Variants in AEBP2 observed in about 807,000 individuals in gnomAD.
AEBP2 encodes AE binding protein 2, also known as zinc finger protein AEBP2.
AEBP2 carries 10 observed loss-of-function variants against 50.8 expected under a neutral mutation model. The observed-to-expected ratio is 0.20, with a 90% CI of 0.12 to 0.33. The LOEUF (loss-of-function observed/expected upper bound fraction) is 0.33, where lower values mean the gene tolerates loss of function less well. AEBP2 is among the 10% of genes least tolerant of loss of function. The pLI is 1.00. For missense variants in AEBP2, 570 were observed against 688.0 expected (o/e 0.83, Z 1.92); for synonymous variants, 296 against 261.3 (o/e 1.13, Z -1.28).
chr12:19,480,806 G>C (rs1249478370), intron 3 of AEBP2, among the ~76,000 whole-genome samples: 1 of 152,140 alleles, frequency 6.6e-6, no homozygotes, highest in Non-Finnish European at 1.5e-5. Context: ...GTTGTTCTTT[G>C]AGCTTCTTGT....
chr12:19,516,331 A>G (rs897934643), intron 7 of AEBP2, among the ~76,000 whole-genome samples: 1 of 152,164 alleles, frequency 6.6e-6, no homozygotes, highest in Non-Finnish European at 1.5e-5. Flanking sequence ...TTAGCATCCT[A>G]AAAGAGTGAT....
At chr12:19,494,101 G>A in intron 4 of AEBP2, 115 bp downstream of exon 4, 1 of 1,155,960 alleles carries the variant, frequency 8.7e-7, no homozygotes, top group African/African-American at 1.6e-5. Flanking sequence ...TAACAAACAG[G>A]TAGGATGCCT....
chr12:19,495,206 T>G (rs1430808087), intron 4 of AEBP2, among the ~76,000 whole-genome samples: 1 of 152,216 alleles, frequency 6.6e-6, no homozygotes, highest in Non-Finnish European at 1.5e-5. Context: ...CTCGAGCAGC[T>G]GGTTAGTTTT....
At chr12:19,455,108 C>T (rs1948243912) in intron 1 of AEBP2, among the ~76,000 whole-genome samples, 1 of 151,736 alleles carries the variant, frequency 6.6e-6, no homozygotes, top group Non-Finnish European at 1.5e-5. Context: ...CAATCCTCAC[C>T]TTAGCCTCCT....
Position 19,476,106 on chromosome 12 carries a change from C to T in AEBP2, c.987+2751C>T, listed in dbSNP as rs1484581029. ...TTTGTTGTTGTTCTTATTGCATTTG[C>T]TTTAGGGTTCTTGGTCATAAACTCT... On this transcript the variant is annotated intron_variant, in intron 3 of 7. Transcript: ENST00000266508. Among the ~76,000 whole-genome samples, 3 of 152,170 alleles carry T rather than the reference C, an allele frequency of 2.0e-5. No individual in the cohort carries two copies. The East Asian group carries it at 5.8e-4, about 29-fold the overall frequency.
intron 3 of AEBP2, among the ~76,000 whole-genome samples, chr12:19,474,315 A>G (rs970745339): frequency 2.0e-5 from 3 of 152,216 alleles, no homozygotes; most frequent in Non-Finnish European, 2.9e-5. Flanking sequence ...TTAAAACCAC[A>G]TTTACTGGAA....
chr12:19,484,250 ATTTTTTTTTTT>A (rs59403434), intron 3 of AEBP2, among the ~76,000 whole-genome samples: 1 of 107,518 alleles, frequency 9.3e-6, no homozygotes, highest in Non-Finnish European at 1.8e-5. Context: ...CGCCCAGCCA[ATTTTTTTTTTT>A]TTTTTTTTTT....
At chr12:19,506,689 A>T (rs973674912) in intron 5 of AEBP2, among the ~76,000 whole-genome samples, 1 of 152,126 alleles carries the variant, frequency 6.6e-6, no homozygotes, top group African/African-American at 2.4e-5. Context: ...CTGTGTTGAG[A>T]ACAAATTGTA....
chr12:19,466,683 A>AAT (rs768340436), intron 2 of AEBP2: 7 of 512,512 alleles, frequency 1.4e-5, no homozygotes, highest in Non-Finnish European at 1.8e-5. Context: ...ATATAAGTAG[A>AAT]AAACACCTGA....
chr12:19,427,854 G>A (rs544016542), intron 1 of AEBP2, among the ~76,000 whole-genome samples: 1 of 151,660 alleles, frequency 6.6e-6, no homozygotes, highest in South Asian at 2.1e-4. Context: ...CCGTTTTCTG[G>A]GAATTAAAAA....
upstream of AEBP2, among the ~76,000 whole-genome samples, chr12:19,439,311 C>T (rs974377775): frequency 6.6e-6 from 1 of 151,798 alleles, no homozygotes; most frequent in African/African-American, 2.4e-5. Flanking sequence ...GTCCGCGTGT[C>T]CCTGGGCTTC....
intron 1 of AEBP2, among the ~76,000 whole-genome samples, chr12:19,422,054 A>G (rs1358032585): frequency 6.6e-6 from 1 of 152,184 alleles, no homozygotes; most frequent in South Asian, 2.1e-4. Context: ...AGGCAGGAGA[A>G]TCACTTCAAC....
chr12:19,411,535 A>C (rs1444110825), intron 1 of AEBP2, among the ~76,000 whole-genome samples: 1 of 149,916 alleles, frequency 6.7e-6, no homozygotes, highest in Non-Finnish European at 1.5e-5. Context: ...CTAAAAGGGG[A>C]TTTTACAAAT....
chr12:19,483,898 T>C (rs1230336132), intron 3 of AEBP2, among the ~76,000 whole-genome samples: 1 of 151,740 alleles, frequency 6.6e-6, no homozygotes, highest in Non-Finnish European at 1.5e-5. Flanking sequence ...CAAAGGTTAA[T>C]GTAAACATTG....
rs1414643698 is a variant in AEBP2 at position 19,468,888 on chromosome 12, C to T, written c.880-4360C>T. Among the ~76,000 whole-genome samples, 31 of 152,174 alleles carry T rather than the reference C, an allele frequency of 2.0e-4. 1 individual carries two copies. Among genetic ancestry groups the T allele is most frequent in the Admixed American group, 2.0e-3 (31 of 15,268 alleles). On this transcript the variant is annotated intron_variant, in intron 2 of 7. Transcript: ENST00000266508. ...TGAAATTTTAGACATCTACATCTTA[C>T]ATGTAAGGAACTTGAAGATTTCTTT... is the stretch of plus-strand genomic sequence containing the variant.
At chr12:19,449,658 T>C (rs1347184686) in intron 1 of AEBP2, among the ~76,000 whole-genome samples, 2 of 152,182 alleles carry the variant, frequency 1.3e-5, no homozygotes, top group African/African-American at 4.8e-5. Context: ...GTAGTCTTTT[T>C]CTTGATGATA....
intron 6 of AEBP2, among the ~76,000 whole-genome samples, chr12:19,512,722 G>A (rs1471826243): frequency 6.6e-6 from 1 of 151,760 alleles, no homozygotes; most frequent in African/African-American, 2.4e-5. Flanking sequence ...AGCACTTTGG[G>A]AGGCTGGGGG....
intron 1 of AEBP2, among the ~76,000 whole-genome samples, chr12:19,431,634 A>T (rs1355661336): frequency 1.3e-5 from 2 of 152,200 alleles, no homozygotes; most frequent in African/African-American, 4.8e-5. Context: ...CAAAATGGCT[A>T]TACTGATAGA....
chr12:19,453,429 T>C (rs991672137), intron 1 of AEBP2, among the ~76,000 whole-genome samples: 3 of 150,328 alleles, frequency 2.0e-5, no homozygotes, highest in Admixed American at 1.3e-4. Flanking sequence ...ATATACTTTC[T>C]TTTTTTTTGA....
Sources: allele counts gnomAD v4.1 joint callset (sites outside exome capture counted in the v4.1 genomes callset), GRCh38; gene constraint gnomAD v4.1.1; transcripts MANE v1.5; gene names NCBI Gene and HGNC (gene_info 2026-07-23, HGNC 2026-07-21).